The following CAMK2D variants were observed in gnomAD, a reference collection of about 807,000 sequenced individuals.
CAMK2D encodes calcium/calmodulin dependent protein kinase II delta, also known as calcium/calmodulin-dependent protein kinase type II subunit delta.
Under a neutral mutation model 84.0 loss-of-function variants are expected in CAMK2D, and 37 were observed. The ratio of observed to expected loss-of-function variants is 0.44; its 90% CI spans 0.34 to 0.58. The LOEUF is 0.58. Among genes scored for constraint, CAMK2D ranks in the 20% least tolerant of loss-of-function variants. CAMK2D has a pLI of 0.02. For missense variants in CAMK2D, 448 were observed against 652.5 expected, an observed-to-expected ratio of 0.69 and a Z score of 3.41; for synonymous variants, 202 against 212.5, an observed-to-expected ratio of 0.95 and a Z score of 0.43.
chr4:113,551,089 A>G lies in CAMK2D; in HGVS notation c.341+942T>C, dbSNP rs531627736. Among the ~76,000 whole-genome samples the G allele has an allele frequency of 2.8e-4, 43 of 152,262 alleles. 2 individuals are homozygous for G. Among genetic ancestry groups the G allele is most frequent in the African/African-American group, 1.0e-3 (43 of 41,566 alleles). ...GGAGCAGAGTCAATCTCTGCTCCCA[A>G]ACATCTCATTTACATTGCTAATAAT... On this transcript the variant is annotated intron_variant, in intron 5 of 20. Coordinates refer to ENST00000511664, the MANE Select transcript of CAMK2D (RefSeq NM_001321571.2).
intron 3 of CAMK2D, among the ~76,000 whole-genome samples, chr4:113,628,864 G>A (rs2099078024): frequency 6.6e-6 from 1 of 151,892 alleles, no homozygotes; most frequent in African/African-American, 2.4e-5. Flanking sequence ...TGAAGGTTTG[G>A]CTGAACAATC....
At chr4:113,634,531 C>G (rs2099102541) in intron 3 of CAMK2D, among the ~76,000 whole-genome samples, 1 of 152,234 alleles carries the variant, frequency 6.6e-6, no homozygotes, top group Non-Finnish European at 1.5e-5. Context: ...GACACAGAGT[C>G]CAATGCTGGC....
rs115192455 is a variant in CAMK2D, at chr4:113,469,468, C to A, written c.1136-3864G>T. On this transcript the variant is annotated intron_variant, in intron 16 of 20. Coordinates refer to ENST00000511664, the MANE Select transcript of CAMK2D (RefSeq NM_001321571.2). ...TGGATATTAAATGCTTCAATTCCTT[C>A]TAAAGACTCAATTTGAGTCCCTCTC... Among the ~76,000 whole-genome samples the A allele has an allele frequency of 4.1e-3, 626 of 152,290 alleles. 9 individuals carry two copies. Among genetic ancestry groups the A allele is most frequent in the African/African-American group, 0.014 (602 of 41,550 alleles).
At chr4:113,548,473 G>A (rs1383263064) in intron 5 of CAMK2D, among the ~76,000 whole-genome samples, 1 of 152,096 alleles carries the variant, frequency 6.6e-6, no homozygotes, top group Admixed American at 6.5e-5. Context: ...TTGCTATGAT[G>A]TATATTTAGC....
chr4:113,534,487 T>C (rs909138369), intron 7 of CAMK2D, among the ~76,000 whole-genome samples: 1 of 152,228 alleles, frequency 6.6e-6, no homozygotes, highest in African/African-American at 2.4e-5. Flanking sequence ...ACTTAATTGC[T>C]GATAGCACCA....
chr4:113,605,131 A>G (rs2098971701), intron 4 of CAMK2D, among the ~76,000 whole-genome samples: 1 of 152,238 alleles, frequency 6.6e-6, no homozygotes, highest in African/African-American at 2.4e-5. Context: ...CACCAGTGAG[A>G]AAGATTGACT....
chr4:113,462,966 T>C (rs941855668), intron 17 of CAMK2D, among the ~76,000 whole-genome samples: 1 of 152,334 alleles, frequency 6.6e-6, no homozygotes, highest in African/African-American at 2.4e-5. Flanking sequence ...GGCACAGCTA[T>C]AAACAATTGT....
intron 7 of CAMK2D, among the ~76,000 whole-genome samples, chr4:113,531,590 G>A (rs1346525018): frequency 6.6e-6 from 1 of 152,104 alleles, no homozygotes; most frequent in Non-Finnish European, 1.5e-5. Flanking sequence ...CTTTTGGTTA[G>A]CAATTCTTAT....
intron 4 of CAMK2D, among the ~76,000 whole-genome samples, chr4:113,560,706 C>T (rs114225002): frequency 1.4e-4 from 21 of 152,266 alleles, no homozygotes; most frequent in Non-Finnish European, 2.5e-4. Context: ...TGGAACATTA[C>T]ACCAATCAGT....
intron 3 of CAMK2D, among the ~76,000 whole-genome samples, chr4:113,622,629 T>A (rs941894922): frequency 6.6e-6 from 1 of 152,132 alleles, no homozygotes; most frequent in African/African-American, 2.4e-5. Context: ...CTGGACGTGG[T>A]GTTGCATGCC....
intron 2 of CAMK2D, among the ~76,000 whole-genome samples, chr4:113,758,196 A>G (rs1315209261): frequency 6.6e-6 from 1 of 152,206 alleles, no homozygotes; most frequent in Non-Finnish European, 1.5e-5. Flanking sequence ...TTTTCATACC[A>G]TGATTCTATG....
chr4:113,483,284 T>C (rs993375384), intron 16 of CAMK2D, among the ~76,000 whole-genome samples: 1 of 152,240 alleles, frequency 6.6e-6, no homozygotes, highest in Non-Finnish European at 1.5e-5. Context: ...TTTTTCTTGT[T>C]TTTAAATGAA....
intron 2 of CAMK2D, among the ~76,000 whole-genome samples, chr4:113,690,703 G>A (rs1223488768): frequency 6.6e-6 from 1 of 152,042 alleles, no homozygotes; most frequent in Non-Finnish European, 1.5e-5. Flanking sequence ...TACTAATGTT[G>A]AACAATTTCC....
chr4:113,708,829 A>G (rs556600296), intron 2 of CAMK2D, among the ~76,000 whole-genome samples: 41 of 152,134 alleles, frequency 2.7e-4, no homozygotes, highest in African/African-American at 9.2e-4. Flanking sequence ...GGTTCAAGCA[A>G]TTCTCCCACC....
intron 4 of CAMK2D, among the ~76,000 whole-genome samples, chr4:113,589,701 TAG>T (rs1281422604): frequency 6.6e-6 from 1 of 152,106 alleles, no homozygotes; most frequent in African/African-American, 2.4e-5. Flanking sequence ...GACATGCAAG[TAG>T]AGATAGTGAG....
chr4:113,760,524 T>C (rs2099638759), intron 1 of CAMK2D, among the ~76,000 whole-genome samples: 1 of 152,112 alleles, frequency 6.6e-6, no homozygotes. Flanking sequence ...CATCAATAAA[T>C]ATGGCACCGT....
chr4:113,559,835 T>C (rs2098690000), intron 4 of CAMK2D, among the ~76,000 whole-genome samples: 1 of 152,200 alleles, frequency 6.6e-6, no homozygotes, highest in Non-Finnish European at 1.5e-5. Flanking sequence ...AATGGGTGAA[T>C]TTATACCCCA....
chr4:113,571,912 T>C (rs147970187), intron 4 of CAMK2D, among the ~76,000 whole-genome samples: 3 of 152,306 alleles, frequency 2.0e-5, no homozygotes, highest in Non-Finnish European at 4.4e-5. Flanking sequence ...TGAAAACCAA[T>C]TTGGAGACAA....
intron 4 of CAMK2D, among the ~76,000 whole-genome samples, chr4:113,582,066 T>TA (rs1313671264): frequency 6.6e-6 from 1 of 152,190 alleles, no homozygotes; most frequent in Non-Finnish European, 1.5e-5. Flanking sequence ...AACTCTCACT[T>TA]AACCATGGCT....
Sources: allele counts gnomAD v4.1 joint callset (sites outside exome capture counted in the v4.1 genomes callset), GRCh38; gene constraint gnomAD v4.1.1; transcripts MANE v1.5; gene names NCBI Gene and HGNC (gene_info 2026-07-23, HGNC 2026-07-21).